The following ICE2 variants were observed in gnomAD, a reference collection of about 807,000 sequenced individuals.
ICE2 encodes the protein little elongation complex subunit 2.
Under a neutral mutation model 105.4 loss-of-function variants are expected in ICE2, and 87 were observed. The ratio of observed to expected loss-of-function variants is 0.83; its 90% CI spans 0.69 to 0.99. The LOEUF is 0.99. Ranked by LOEUF, ICE2 falls within the 50% of genes least tolerant of loss-of-function variation. ICE2 has a pLI of 0.00. For synonymous variants in ICE2, 399 were observed against 392.0 expected (o/e 1.02, Z -0.21); for missense variants, 1,323 against 1,146.7 (o/e 1.15, Z -2.22).
At chr15:60,469,832 C>T (rs116073357) in intron 3 of ICE2, among the ~76,000 whole-genome samples, 358 of 152,270 alleles carry the variant, frequency 2.4e-3, no homozygotes, top group African/African-American at 8.1e-3. Flanking sequence ...AAGAAGTCAC[C>T]TTATCCAAAT....
intron 3 of ICE2, among the ~76,000 whole-genome samples, chr15:60,474,377 T>G (rs938978626): frequency 6.6e-6 from 1 of 151,984 alleles, no homozygotes; most frequent in African/African-American, 2.4e-5. Flanking sequence ...TACAAACACA[T>G]GTAAAAAGGC....
At chr15:60,464,710 T>A (rs1261097671) in intron 5 of ICE2, among the ~76,000 whole-genome samples, 1 of 152,134 alleles carries the variant, frequency 6.6e-6, no homozygotes, top group Non-Finnish European at 1.5e-5. Flanking sequence ...GGAGAGATCA[T>A]GCAGGCCACT....
intron 12 of ICE2, among the ~76,000 whole-genome samples, chr15:60,436,642 G>C (rs1349967584): frequency 1.3e-5 from 2 of 149,470 alleles, no homozygotes; most frequent in African/African-American, 2.5e-5. Flanking sequence ...GTTAACCCGG[G>C]AGGCAGAGCT....
intron 1 of ICE2, chr15:60,478,799 G>A (rs1361454495): frequency 2.7e-6 from 1 of 367,108 alleles, no homozygotes; most frequent in Non-Finnish European, 5.5e-6. Flanking sequence ...TGAGGGAAAG[G>A]GGACGCAAAG....
At chr15:60,476,622 CCTAG>C (rs1304106503) in intron 2 of ICE2, among the ~76,000 whole-genome samples, 2 of 152,154 alleles carry the variant, frequency 1.3e-5, no homozygotes, top group Non-Finnish European at 2.9e-5. Flanking sequence ...GACTAAATAG[CCTAG>C]CTATTTTGTT....
intron 13 of ICE2, among the ~76,000 whole-genome samples, chr15:60,432,941 C>A (rs2063495617): frequency 6.6e-6 from 1 of 152,108 alleles, no homozygotes; most frequent in Non-Finnish European, 1.5e-5. Flanking sequence ...GCTAAGAGGT[C>A]TTTAGTAAAG....
Position 60,442,405 on chromosome 15 carries a change from G to C in ICE2, c.2425+11C>G, listed in dbSNP as rs192474467. The C allele has an allele frequency of 4.4e-6, 7 of 1,576,050 alleles. No individual in the cohort carries two copies. The East Asian group carries it at 1.6e-4, about 36-fold the overall frequency. On this transcript the variant is annotated intron_variant, in intron 12 of 15. Transcript: ENST00000261520. ...ATTAAAAAGGAGAATAAAGACTTTT[G>C]TATAACTTACCAACATAAAATGAGC...
chr15:60,445,619 G>C, intron 11 of ICE2: 2 of 974,294 alleles, frequency 2.1e-6, no homozygotes, highest in South Asian at 4.8e-5. Context: ...GATGAAGAAT[G>C]AATTTTCTTC....
chr15:60,463,935 A>AG (rs1291603575), intron 5 of ICE2, among the ~76,000 whole-genome samples: 2 of 152,228 alleles, frequency 1.3e-5, no homozygotes, highest in Non-Finnish European at 2.9e-5. Flanking sequence ...AGGACTACAC[A>AG]GGGGGCTTCT....
Position 60,468,056 on chromosome 15 carries a change from C to T in ICE2, c.408+5G>A, listed in dbSNP as rs770473834. On this transcript the variant is annotated splice_donor_5th_base_variant and intron_variant, in intron 4 of 15. Coordinates refer to ENST00000261520, the MANE Select transcript of ICE2 (RefSeq NM_024611.6). ...TTTCCTGAAACTGAAGAACACAATA[C>T]ATACCAAGTACTGCAAGTAGTCATT... 1 of 1,600,662 alleles carries T rather than the reference C, an allele frequency of 6.2e-7. No individual in the cohort carries two copies. Among genetic ancestry groups the T allele is most frequent in the East Asian group, 2.2e-5 (1 of 44,658 alleles).
Position 60,422,265 on chromosome 15 carries a change from T to G in ICE2, c.*1369A>C, listed in dbSNP as rs1273289789. 1 of 151,900 alleles carries G rather than the reference T, an allele frequency of 6.6e-6. No homozygotes were observed. Among genetic ancestry groups the G allele is most frequent in the Non-Finnish European group, 1.5e-5 (1 of 68,036 alleles). 9.4% of individuals were successfully genotyped at this position (151,900 alleles called of 1,614,324 possible). Reference sequence around the variant, plus strand: ...CTTCTGCCTCAGCCTTTTGAGTAGCTGGGACTACAGGCACACCCCACCACA... The same window carrying G: ...CTTCTGCCTCAGCCTTTTGAGTAGCGGGGACTACAGGCACACCCCACCACA... On this transcript the variant is annotated 3_prime_UTR_variant, in exon 16 of 16. Coordinates refer to ENST00000261520, the MANE Select transcript of ICE2 (RefSeq NM_024611.6).
chr15:60,463,628 C>T (rs568198586), intron 5 of ICE2, among the ~76,000 whole-genome samples: 2 of 152,296 alleles, frequency 1.3e-5, no homozygotes, highest in South Asian at 4.1e-4. Flanking sequence ...CAAAAATTAG[C>T]TGGGCGTGGT....
intron 9 of ICE2, chr15:60,452,341 C>T (rs2141075286): frequency 1.3e-6 from 1 of 783,054 alleles, no homozygotes; most frequent in Non-Finnish European, 1.5e-6. Flanking sequence ...TTGTTTGCTC[C>T]CTCATTTTAC....
In ICE2 at chr15:60,422,579, G is replaced by A. The variant is rs1001923828; in HGVS notation, c.*1055C>T. The A allele has an allele frequency of 7.9e-5, 12 of 152,262 alleles. No individual in the cohort carries two copies. The highest frequency in any genetic ancestry group is 2.9e-4 in the African/African-American group (12 of 41,398). 9.4% of individuals were successfully genotyped at this position (152,262 alleles called of 1,614,324 possible). A position where few individuals can be genotyped will look rare whatever the true frequency, so the allele number is the denominator to read the frequency against. ...TGGCCAGGCACGGTGGCTTACCCCT[G>A]TAATCCCAGCACTTTGGGAGGCCAA... On this transcript the variant is annotated 3_prime_UTR_variant, in exon 16 of 16. Coordinates refer to ENST00000261520, the MANE Select transcript of ICE2 (RefSeq NM_024611.6).
intron 5 of ICE2, among the ~76,000 whole-genome samples, chr15:60,463,110 T>C (rs1477553398): frequency 1.3e-5 from 2 of 152,184 alleles, no homozygotes; most frequent in African/African-American, 4.8e-5. Context: ...TGAGCATATG[T>C]AGAGTAGGAT....
At chr15:60,449,986 G>A in intron 9 of ICE2, 145 bp from the exon 10 acceptor site, 1 of 657,250 alleles carries the variant, frequency 1.5e-6, no homozygotes, top group Non-Finnish European at 2.6e-6. Flanking sequence ...TCTTGTTTAA[G>A]ATGACAACAA....
chr15:60,437,667 T>A (rs926984499), intron 12 of ICE2, among the ~76,000 whole-genome samples: 4 of 151,522 alleles, frequency 2.6e-5, no homozygotes, highest in Admixed American at 2.6e-4. Flanking sequence ...TTATTTATTT[T>A]TTAAGACAGA....
intron 11 of ICE2, among the ~76,000 whole-genome samples, chr15:60,443,589 G>C (rs1470633336): frequency 6.6e-6 from 1 of 152,158 alleles, no homozygotes; most frequent in Non-Finnish European, 1.5e-5. Flanking sequence ...ATCTGGGGTG[G>C]AGCCCAAGAT....
At chr15:60,466,752 G>T in intron 4 of ICE2, 39 bp from the exon 5 acceptor site, 3 of 1,510,526 alleles carry the variant, frequency 2.0e-6, no homozygotes, top group Non-Finnish European at 2.7e-6. Context: ...GGGATAAAAA[G>T]TTTCATTAAA....
Sources: gnomAD v4.1 joint callset for allele counts (sites outside exome capture counted in the v4.1 genomes callset) on GRCh38, gnomAD v4.1.1 for gene constraint, MANE v1.5 for transcripts, NCBI Gene and HGNC (gene_info 2026-07-23, HGNC 2026-07-21) for gene names.